CROCC2: variants seen among roughly 807,000 people sequenced by gnomAD.
The protein encoded by CROCC2 is ciliary rootlet coiled-coil, rootletin family member 2, also known as ciliary rootlet coiled-coil protein 2.
In CROCC2, 163 loss-of-function variants were observed where a neutral mutation model predicts 177.6. The ratio of observed to expected loss-of-function variants is 0.92; its 90% CI spans 0.81 to 1.05. The LOEUF (loss-of-function observed/expected upper bound fraction) is 1.05. Ranked by LOEUF, CROCC2 falls within the 50% of genes least tolerant of loss-of-function variation. CROCC2 has a pLI of 0.00. For synonymous variants in CROCC2, 904 were observed against 787.3 expected (o/e 1.15, Z -2.48); for missense variants, 1,929 against 1,797.8 (o/e 1.07, Z -1.32).
chr2:240,956,463 G>A (rs145031833), intron 19 of CROCC2: 2 of 162,114 alleles, frequency 1.2e-5, no homozygotes, highest in African/African-American at 4.8e-5. Context: ...ATTGAGTCCT[G>A]AGCGGAGCCA....
In CROCC2 at chr2:240,933,331, G is replaced by C; in HGVS notation, c.1452G>C (p.Lys484Asn). Residue 484 changes from lysine to asparagine, a missense_variant, in exon 10 of 32, where the codon AAG becomes AAC. Physicochemically the swap from Lys to Asn is moderately conservative, Grantham distance 94 (BLOSUM62 0). Coordinates refer to ENST00000690015, the MANE Select transcript of CROCC2 (RefSeq NM_001351305.2). ...LEVQQCRASCKLLGREKAALE... is the reference protein window; with the variant it reads ...LEVQQCRASCNLLGREKAALE... Reference sequence around the variant, plus strand: ...TGCAGCAGTGCCGGGCATCCTGCAAGCTCCTGGGGAGGTAATGGGGTGAAG... The same window carrying C: ...TGCAGCAGTGCCGGGCATCCTGCAACCTCCTGGGGAGGTAATGGGGTGAAG... 4 of 1,523,270 alleles carry C rather than the reference G, an allele frequency of 2.6e-6. No homozygotes were observed. 94.4% of individuals were successfully genotyped at this position (1,523,270 alleles called of 1,614,324 possible).
At position 240,960,471 on chromosome 2, in the gene CROCC2, T is replaced by C. The variant is rs1172647733; in HGVS notation, c.3087+1027T>C. On this transcript the variant is annotated intron_variant, in intron 20 of 31. Coordinates refer to ENST00000690015, the MANE Select transcript of CROCC2 (RefSeq NM_001351305.2). The surrounding 1 kb of genome is among the most constrained non-coding windows in gnomAD (Gnocchi z 5.0). ...CACCTGGGCTCAGCGGGCAGGCAGA[T>C]TGGAGAGGCATTTCTGAGGGGGGTT... Among the ~76,000 whole-genome samples, 1 of 148,452 alleles carries C rather than the reference T, an allele frequency of 6.7e-6. No individual in the cohort carries two copies. The highest frequency in any genetic ancestry group is 2.5e-5 in the African/African-American group (1 of 40,214).
intron 20 of CROCC2, among the ~76,000 whole-genome samples, chr2:240,961,511 C>T (rs1276350153): frequency 6.6e-6 from 1 of 151,540 alleles, no homozygotes; most frequent in African/African-American, 2.4e-5. Context: ...CGTATGCACA[C>T]CACATACAGA....
intron 4 of CROCC2, among the ~76,000 whole-genome samples, chr2:240,925,520 C>A (rs2059390528): frequency 6.6e-6 from 1 of 152,178 alleles, no homozygotes; most frequent in Non-Finnish European, 1.5e-5. Flanking sequence ...CTGGGAGAGC[C>A]ACCTTGATGC....
rs2059466369 is a variant in CROCC2, at chr2:240,935,850, C to T, written c.2169+262C>T. Among the ~76,000 whole-genome samples the T allele has an allele frequency of 2.0e-5, 3 of 152,256 alleles. No individual in the cohort carries two copies. In the South Asian group the frequency reaches 6.2e-4, roughly 31 times the overall value. On this transcript the variant is annotated intron_variant, in intron 14 of 31. Transcript: ENST00000690015. ...GGGAGCCCGGGCCTCAGGCCAGTGA[C>T]TTCTGCACACTGGGCTCTTAGTGAG...
Position 240,932,761 on chromosome 2 carries a change from G to C in CROCC2, c.1104G>C (p.Gly368=). The C allele has an allele frequency of 8.4e-7, 1 of 1,191,866 alleles. No homozygotes were observed. The highest frequency in any genetic ancestry group is 1.3e-5 in the South Asian group (1 of 76,722). The allele number at this position is 1,191,866 out of a possible 1,614,324, so 73.8% of individuals were successfully genotyped here. A position where few individuals can be genotyped will look rare whatever the true frequency, so the allele number is the denominator to read the frequency against. ...CAGGTAGCAGCATCACTGAATTGGG[G>C]GAGCCACGGCGCCCACTGAGGAGCC... ...ELAGSSITEL[G]EPRRPLRSPQ... is the part of the protein sequence containing the mutation. Residue 368 remains glycine (G), a synonymous_variant, in exon 9 of 32, where the codon GGG becomes GGC. Transcript: ENST00000690015.
chr2:240,934,855 C>T (rs73107806), intron 12 of CROCC2, 61 bp from the exon 13 acceptor site: 90,677 of 1,418,250 alleles, frequency 0.064, 3,767 homozygotes, highest in South Asian at 0.2. Context: ...CCTTTCCCAG[C>T]GGCAACAGCC....
chr2:240,950,355 G>A lies in CROCC2; in HGVS notation c.2674G>A (p.Ala892Thr), dbSNP rs2059546383. 2 of 1,549,980 alleles carry A rather than the reference G, an allele frequency of 1.3e-6. No individual in the cohort carries two copies. The highest frequency in any genetic ancestry group is 1.7e-6 in the Non-Finnish European group (2 of 1,146,734). The change falls in exon 18 of 32, where the codon GCA becomes ACA. Residue 892 changes from alanine (A) to threonine (T), a missense_variant. By Grantham distance (58) the Ala-to-Thr change is moderately conservative (BLOSUM62 0). Around this residue, in one of 3 missense-constraint regions of CROCC2, gnomAD observed 1,397 missense variants for 1,239.9 expected, o/e 1.13. Transcript: ENST00000690015. ...REKETLSLTL[A>T]EEKEVARCQL... is the part of the protein sequence containing the mutation. ...CCAGGAGACCCTGAGCCTGACCCTG[G>A]CAGAGGAGAAGGAGGTAGCCAGATG...
chr2:240,947,254 C>G (rs557971066), intron 15 of CROCC2, among the ~76,000 whole-genome samples: 5 of 152,226 alleles, frequency 3.3e-5, no homozygotes, highest in African/African-American at 1.2e-4. Context: ...GAGGCTGCTG[C>G]GGGTTGGGCT....
intron 27 of CROCC2, among the ~76,000 whole-genome samples, chr2:240,981,234 AGTCTCTGGGGT>A: frequency 1.3e-5 from 2 of 150,684 alleles, no homozygotes; most frequent in African/African-American, 4.9e-5. Context: ...ATCCCTGCTC[AGTCTCTGGGGT>A]AGGAGCCTCT....
At chr2:240,911,584 C>A (rs1159889940) in intron 1 of CROCC2, among the ~76,000 whole-genome samples, 3 of 152,114 alleles carry the variant, frequency 2.0e-5, no homozygotes, top group Admixed American at 2.0e-4. Flanking sequence ...AGGTGTAAGC[C>A]GCCACGCCCG....
rs940627234 is a variant in CROCC2, at chr2:240,918,612, C to A, written c.79-114C>A. 4.8e-5 allele frequency: 23 copies of A among 478,298 alleles called. No individual in the cohort carries two copies. The highest frequency in any genetic ancestry group is 3.9e-4 in the Admixed American group (10 of 25,950). The allele number at this position is 478,298 out of a possible 1,614,324, so 29.6% of individuals were successfully genotyped here. On this transcript the variant is annotated intron_variant, in intron 1 of 31. Coordinates refer to ENST00000690015, the MANE Select transcript of CROCC2 (RefSeq NM_001351305.2). The surrounding 1 kb of genome is among the most constrained non-coding windows in gnomAD (Gnocchi z 6.3). Reference sequence around the variant, plus strand: ...CAGCCTCACCCTGTCCTCTCCAGGGCACTCTGCTGCCTTGGGGTGGCCCTG... The same window carrying A: ...CAGCCTCACCCTGTCCTCTCCAGGGAACTCTGCTGCCTTGGGGTGGCCCTG...
chr2:240,911,518 G>A (rs980887990), intron 1 of CROCC2, among the ~76,000 whole-genome samples: 24 of 152,004 alleles, frequency 1.6e-4, no homozygotes, highest in African/African-American at 5.3e-4. Context: ...GGAGGGTCTC[G>A]AACTCCTGAC....
intron 5 of CROCC2, among the ~76,000 whole-genome samples, chr2:240,928,769 C>T (rs1362670062): frequency 6.6e-6 from 1 of 151,862 alleles, no homozygotes; most frequent in Non-Finnish European, 1.5e-5. Flanking sequence ...AGGAGCACGC[C>T]CTCGGAGGGC....
At chr2:240,935,830 C>T (rs1325076340) in intron 14 of CROCC2, among the ~76,000 whole-genome samples, 1 of 152,222 alleles carries the variant, frequency 6.6e-6, no homozygotes, top group Non-Finnish European at 1.5e-5. Flanking sequence ...GGCAGGGGAG[C>T]CCGGGCCTCA....
rs1166787710 is a variant in CROCC2 at position 240,965,427 on chromosome 2, A to G, written c.3512A>G (p.His1171Arg). Residue 1171 changes from histidine (H) to arginine (R), a missense_variant, in exon 23 of 32, where the codon CAT (histidine) becomes CGT (arginine). Coordinates refer to ENST00000690015, the MANE Select transcript of CROCC2 (RefSeq NM_001351305.2). ...AACCAGAGGAGGAGTGGAGAGGCCC[A>G]TGAGCTGCAGGCGCAGTGCTCGCAG... Reference protein sequence around the residue: ...AENQRRSGEAHELQAQCSQEV... With the variant: ...AENQRRSGEARELQAQCSQEV... The G allele has an allele frequency of 6.5e-7, 1 of 1,549,832 alleles. No individual in the cohort carries two copies. Among genetic ancestry groups the G allele is most frequent in the East Asian group, 2.4e-5 (1 of 40,910 alleles).
chr2:240,962,062 AC>A (rs2059645601), intron 20 of CROCC2, among the ~76,000 whole-genome samples: 3 of 119,872 alleles, frequency 2.5e-5, no homozygotes, highest in African/African-American at 1.1e-4. Flanking sequence ...ATACACTCAC[AC>A]TCACACGCAC....
rs2059461094 is a variant in CROCC2 at position 240,935,284 on chromosome 2, GC to G, written c.1939-72del. The G allele has an allele frequency of 2.3e-6, 3 of 1,294,564 alleles. No homozygotes were observed. In the East Asian group the frequency reaches 9.1e-5, roughly 39 times the overall value. The allele number at this position is 1,294,564 out of a possible 1,614,324, so 80.2% of individuals were successfully genotyped here. ...GAGGGAAGACAGTGCCCCGGGGCAG[GC>G]CTTGGGGATGGCTGGCCTACAGGGA... On this transcript the variant is annotated intron_variant, in intron 13 of 31. Transcript: ENST00000690015.
intron 1 of CROCC2, among the ~76,000 whole-genome samples, chr2:240,907,767 T>TC: frequency 6.8e-6 from 1 of 147,874 alleles, no homozygotes; most frequent in Admixed American, 6.7e-5. Context: ...CTCCTCCACC[T>TC]GGCGTGAGCT....
Sources: gnomAD v4.1 joint callset for allele counts (sites outside exome capture counted in the v4.1 genomes callset) on GRCh38, gnomAD v4.1.1 for gene constraint, gnomAD v4.1.1 regional missense constraint, Gnocchi (gnomAD v3.1) non-coding constraint, MANE v1.5 for transcripts, NCBI Gene and HGNC (gene_info 2026-07-23, HGNC 2026-07-21) for gene names.